Variants in PDE10A observed in about 807,000 individuals in gnomAD.
PDE10A encodes cAMP and cAMP-inhibited cGMP 3',5'-cyclic phosphodiesterase 10A.
PDE10A carries 39 observed loss-of-function variants against 97.7 expected under a neutral mutation model. That is an observed-to-expected ratio of 0.40 (90% confidence interval 0.31 to 0.52). The LOEUF (loss-of-function observed/expected upper bound fraction) is 0.52, where lower values mean the gene tolerates loss of function less well. Among genes scored for constraint, PDE10A ranks in the 20% least tolerant of loss-of-function variants. The pLI, the probability that PDE10A is intolerant of heterozygous loss-of-function variation, is 0.56. For synonymous variants in PDE10A, 371 were observed against 376.8 expected (o/e 0.98, Z 0.18); for missense variants, 731 against 1,047.8 (o/e 0.70, Z 4.17).
intron 2 of PDE10A, among the ~76,000 whole-genome samples, chr6:165,535,598 T>TGC (rs1230071818): frequency 6.6e-6 from 1 of 151,482 alleles, no homozygotes; most frequent in Non-Finnish European, 1.5e-5. Context: ...GGTGTGTGTG[T>TGC]GCGCGTGTGT....
intron 13 of PDE10A, among the ~76,000 whole-genome samples, chr6:165,404,744 T>TTA (rs1254032007): frequency 2.6e-5 from 4 of 152,100 alleles, no homozygotes; most frequent in Non-Finnish European, 5.9e-5. Flanking sequence ...TGAAAAACAC[T>TTA]TACTGAGAGA....
At chr6:165,866,464 C>T (rs114547158) in intron 1 of PDE10A, among the ~76,000 whole-genome samples, 3,703 of 150,316 alleles carry the variant, frequency 0.025, 86 homozygotes, top group South Asian at 0.1. Context: ...CATACACAGT[C>T]ATGCACTGGT....
At chr6:165,395,747 G>T (rs1786114546) in intron 14 of PDE10A, among the ~76,000 whole-genome samples, 1 of 151,944 alleles carries the variant, frequency 6.6e-6, no homozygotes, top group African/African-American at 2.4e-5. Context: ...AAACAGTATG[G>T]TATAATATAT....
intron 2 of PDE10A, among the ~76,000 whole-genome samples, chr6:165,517,510 C>A (rs1489916697): frequency 1.3e-5 from 2 of 151,960 alleles, no homozygotes; most frequent in African/African-American, 4.8e-5. Context: ...GGAAATAATC[C>A]AAATAGGCTT....
intron 1 of PDE10A, among the ~76,000 whole-genome samples, chr6:165,837,330 GACA>G (rs1211842839): frequency 6.6e-6 from 1 of 152,150 alleles, no homozygotes; most frequent in Non-Finnish European, 1.5e-5. Context: ...GCAATTCTGA[GACA>G]ACATTATTGG....
Position 165,423,912 on chromosome 6 carries a change from A to T in PDE10A, c.1653+4746T>A, listed in dbSNP as rs1460154953. Among the ~76,000 whole-genome samples the T allele has an allele frequency of 3.3e-5, 5 of 152,248 alleles. No homozygotes were observed. The East Asian group carries it at 9.7e-4, about 29-fold the overall frequency. ...AAAATAATAAATCTTCCGTATTATA[A>T]AAAAGATCCTCAAAAAAGTCTAACC... On this transcript the variant is annotated intron_variant, in intron 10 of 21. Coordinates refer to ENST00000539869, the MANE Select transcript of PDE10A (RefSeq NM_001385079.1).
chr6:165,465,767 T>G (rs1261257163), intron 3 of PDE10A, among the ~76,000 whole-genome samples: 1 of 152,198 alleles, frequency 6.6e-6, no homozygotes, highest in African/African-American at 2.4e-5. Flanking sequence ...ATCGCCCCCA[T>G]GATTCAATTA....
chr6:165,395,452 C>T (rs940791732), intron 14 of PDE10A, among the ~76,000 whole-genome samples, 188 bp from the exon 15 acceptor site: 11 of 152,108 alleles, frequency 7.2e-5, no homozygotes, highest in African/African-American at 2.7e-4. Context: ...AACATATTGC[C>T]TTAGAAATCT....
intron 1 of PDE10A, among the ~76,000 whole-genome samples, chr6:165,725,138 C>A (rs1259623654): frequency 6.6e-6 from 1 of 152,198 alleles, no homozygotes; most frequent in Non-Finnish European, 1.5e-5. Context: ...TCTTCTGGCT[C>A]CCATTCATCT....
At chr6:165,885,022 C>A (rs748369640) in intron 1 of PDE10A, among the ~76,000 whole-genome samples, 3 of 152,138 alleles carry the variant, frequency 2.0e-5, no homozygotes, top group Non-Finnish European at 4.4e-5. Context: ...CATGTGCACG[C>A]CCCTGCCGCC....
At chr6:165,477,593 T>C (rs1779368643) in intron 3 of PDE10A, among the ~76,000 whole-genome samples, 1 of 152,212 alleles carries the variant, frequency 6.6e-6, no homozygotes, top group African/African-American at 2.4e-5. Context: ...AAAAGTGCAT[T>C]TGACACAATC....
At chr6:165,922,748 G>C (rs892801021) in intron 1 of PDE10A, among the ~76,000 whole-genome samples, 2 of 152,206 alleles carry the variant, frequency 1.3e-5, no homozygotes, top group Non-Finnish European at 2.9e-5. Flanking sequence ...GTGCCCCGTG[G>C]GTAGTGCTGT....
chr6:165,605,540 C>G (rs910984548), intron 1 of PDE10A, among the ~76,000 whole-genome samples: 1 of 152,190 alleles, frequency 6.6e-6, no homozygotes. Context: ...TGTTTAAGAA[C>G]TCAAGTCAAA....
chr6:165,844,555 G>A (rs754206597), intron 1 of PDE10A, among the ~76,000 whole-genome samples: 1 of 152,162 alleles, frequency 6.6e-6, no homozygotes, highest in Non-Finnish European at 1.5e-5. Flanking sequence ...TATCTTATGA[G>A]TTACTGTAAT....
chr6:165,441,796 T>C lies in PDE10A; in HGVS notation c.1195-6419A>G, dbSNP rs75961699. Among the ~76,000 whole-genome samples the C allele has an allele frequency of 4.6e-3, 703 of 152,242 alleles. 7 individuals are homozygous for C. Among genetic ancestry groups the C allele is most frequent in the Admixed American group, 0.013 (205 of 15,290 alleles). On this transcript the variant is annotated intron_variant, in intron 5 of 21. Coordinates refer to ENST00000539869, the MANE Select transcript of PDE10A (RefSeq NM_001385079.1). ...GGTGATGACTGGGGCTCAAGAACAG[T>C]CAGATGAATCAATGCCCTACTGGTT...
chr6:165,419,010 T>A (rs1166990906), intron 10 of PDE10A, among the ~76,000 whole-genome samples: 1 of 152,204 alleles, frequency 6.6e-6, no homozygotes, highest in Admixed American at 6.5e-5. Context: ...CGGATATGCA[T>A]CCATACTGCT....
chr6:165,939,033 C>T (rs185488905), intron 1 of PDE10A, among the ~76,000 whole-genome samples: 1 of 152,334 alleles, frequency 6.6e-6, no homozygotes, highest in African/African-American at 2.4e-5. Context: ...TACACCTCTA[C>T]ACCACAGAAT....
intron 1 of PDE10A, among the ~76,000 whole-genome samples, chr6:165,862,030 G>A (rs900357244): frequency 1.3e-5 from 2 of 152,202 alleles, no homozygotes; most frequent in African/African-American, 4.8e-5. Flanking sequence ...CTGTGGCTCT[G>A]AGTCTCCTTC....
At chr6:165,552,956 A>T (rs1453497107) in intron 1 of PDE10A, among the ~76,000 whole-genome samples, 1 of 152,142 alleles carries the variant, frequency 6.6e-6, no homozygotes, top group East Asian at 1.9e-4. Flanking sequence ...CCCACCAGGA[A>T]TCCCAAATCC....
Sources: gnomAD v4.1 joint callset for allele counts (sites outside exome capture counted in the v4.1 genomes callset) on GRCh38, gnomAD v4.1.1 for gene constraint, MANE v1.5 for transcripts, NCBI Gene and HGNC (gene_info 2026-07-23, HGNC 2026-07-21) for gene names.